The following MYO1A variants were observed in gnomAD, a reference collection of about 807,000 sequenced individuals.
The protein encoded by MYO1A is myosin IA, also known as unconventional myosin-Ia.
MYO1A carries 127 observed loss-of-function variants against 138.5 expected under a neutral mutation model. The ratio of observed to expected loss-of-function variants is 0.92; its 90% CI spans 0.79 to 1.06. The LOEUF (loss-of-function observed/expected upper bound fraction) is 1.06, where lower values mean the gene tolerates loss of function less well. MYO1A is among the 50% of genes least tolerant of loss of function. The pLI, the probability that MYO1A is intolerant of heterozygous loss-of-function variation, is 0.00. For synonymous variants in MYO1A, 477 were observed against 497.5 expected (o/e 0.96, Z 0.55); for missense variants, 1,211 against 1,288.8 (o/e 0.94, Z 0.92).
At chr12:57,043,522 G>A (rs2030957048) in intron 10 of MYO1A, among the ~76,000 whole-genome samples, 164 bp from the exon 11 acceptor site, 1 of 152,234 alleles carries the variant, frequency 6.6e-6, no homozygotes, top group South Asian at 2.1e-4. Flanking sequence ...ATCTCAGGGA[G>A]TTGGGGGACA....
chr12:57,039,167 C>A, intron 15 of MYO1A, 45 bp downstream of exon 15: 1 of 1,590,940 alleles, frequency 6.3e-7, no homozygotes. Context: ...GATGTTCAGG[C>A]AGTCTGGAAG....
Position 57,029,588 on chromosome 12 carries a change from C to A in MYO1A, c.2725-1G>T. 1 of 1,614,206 alleles carries A rather than the reference C, an allele frequency of 6.2e-7. No homozygotes were observed. The highest frequency in any genetic ancestry group is 8.5e-7 in the Non-Finnish European group (1 of 1,180,032). On this transcript the variant is annotated splice_acceptor_variant, in intron 25 of 27. Transcript: ENST00000300119. LOFTEE classifies it high-confidence loss of function. ...TCAGGAGGAGAATCCGAGAAGAAGTCTAGGGACGGAACAGGCAAGGGTGAG... is the reference window on the plus strand; with the variant it reads ...TCAGGAGGAGAATCCGAGAAGAAGTATAGGGACGGAACAGGCAAGGGTGAG...
chr12:57,037,122 G>A (rs1414225948), intron 19 of MYO1A, 31 bp from the exon 20 acceptor site: 3 of 1,613,234 alleles, frequency 1.9e-6, no homozygotes, highest in East Asian at 4.5e-5. Flanking sequence ...GTGACAGAGA[G>A]ACTGGCTCAG....
chr12:57,041,378 G>C (rs2030851055), intron 13 of MYO1A, 54 bp downstream of exon 13: 1 of 1,593,384 alleles, frequency 6.3e-7, no homozygotes, highest in Non-Finnish European at 8.6e-7. Flanking sequence ...CCCCCTGTGA[G>C]CCTGTCCACC....
intron 16 of MYO1A, 38 bp from the exon 17 acceptor site, chr12:57,038,676 C>G: frequency 6.2e-7 from 1 of 1,612,026 alleles, no homozygotes; most frequent in Non-Finnish European, 8.5e-7. Flanking sequence ...GACCCCACAA[C>G]CTTGTCCCAG....
At chr12:57,041,964 C>T (rs935845791) in intron 12 of MYO1A, among the ~76,000 whole-genome samples, 1 of 152,188 alleles carries the variant, frequency 6.6e-6, no homozygotes, top group Admixed American at 6.5e-5. Context: ...ATAGATGGCA[C>T]TTCCATGTGG....
chr12:57,050,488 C>T (rs2031298663), upstream of MYO1A, among the ~76,000 whole-genome samples: 1 of 152,162 alleles, frequency 6.6e-6, no homozygotes, highest in African/African-American at 2.4e-5. Context: ...GAGTTCGAGA[C>T]CAGCCTAGGC....
intron 1 of MYO1A, among the ~76,000 whole-genome samples, chr12:57,049,160 G>A (rs371753056): frequency 9.8e-5 from 15 of 152,342 alleles, no homozygotes; most frequent in African/African-American, 3.6e-4. Flanking sequence ...GCGGGAGTGG[G>A]CAAGGAGGAG....
In MYO1A at chr12:57,048,013, G is replaced by T. The variant is rs746150165; in HGVS notation, c.206C>A (p.Thr69Asn). 1 of 1,614,112 alleles carries T rather than the reference G, an allele frequency of 6.2e-7. No homozygotes were observed. Among genetic ancestry groups the T allele is most frequent in the East Asian group, 2.2e-5 (1 of 44,884 alleles). ...CATATGGGGCTTCAGCTCATAGAAA[G>T]TATAGTCTTGATATTTGGCAATGAA... Reference protein sequence around the residue: ...PEFIAKYQDYTFYELKPHIYA... With the variant: ...PEFIAKYQDYNFYELKPHIYA... Residue 69 changes from threonine (T) to asparagine (N), a missense_variant, in exon 3 of 28, where the codon ACT (threonine) becomes AAT (asparagine). Transcript: ENST00000300119.
intron 10 of MYO1A, 41 bp from the exon 11 acceptor site, chr12:57,043,399 T>C: frequency 6.3e-7 from 1 of 1,585,848 alleles, no homozygotes; most frequent in Admixed American, 1.7e-5. Flanking sequence ...TAGAGGCAGC[T>C]TTCTCTCAGG....
At chr12:57,046,473 G>A (rs2031092443) in intron 8 of MYO1A, 79 bp downstream of exon 8, 10 of 1,090,240 alleles carry the variant, frequency 9.2e-6, no homozygotes, top group East Asian at 2.4e-5. Flanking sequence ...AGAGGGAACA[G>A]GGGTTCTGGG....
rs1400992965 is a variant in MYO1A, at chr12:57,035,311, A to C, written c.2349+996T>G. Among the ~76,000 whole-genome samples the C allele has an allele frequency of 2.0e-5, 3 of 152,372 alleles. No homozygotes were observed. In the East Asian group the frequency reaches 5.8e-4, roughly 29 times the overall value. ...TCTGGCACCAGCACAAGAGGTGATC[A>C]GGCAACTGAAGAGACCTGGAAGATG... On this transcript the variant is annotated intron_variant, in intron 22 of 27. Coordinates refer to ENST00000300119, the MANE Select transcript of MYO1A (RefSeq NM_005379.4).
At position 57,046,657 on chromosome 12, in the gene MYO1A, G is replaced by A. The variant is rs575908550; in HGVS notation, c.542-7C>T. ...CGGGATTTCTCAAGCAGATCTGGCA[G>A]AGAATTAGAAAAATAATATCCTGAG... On this transcript the variant is annotated splice_polypyrimidine_tract_variant and splice_region_variant and intron_variant, in intron 7 of 27. Transcript: ENST00000300119. 2 of 1,612,650 alleles carry A rather than the reference G, an allele frequency of 1.2e-6. No homozygotes were observed. Among genetic ancestry groups the A allele is most frequent in the Admixed American group, 3.3e-5 (2 of 60,028 alleles).
chr12:57,043,244 A>C lies in MYO1A; in HGVS notation c.1007T>G (p.Met336Arg), dbSNP rs1269235126. ...KEKVVTALNVMQAQYARDALA... is the reference protein window; with the variant it reads ...KEKVVTALNVRQAQYARDALA... ...CCACTCCAGTGAGCTCCTTACCTGC[A>C]TAACATTCAGTGCAGTGACCACCTT... Residue 336 changes from methionine to arginine, a missense_variant, in exon 11 of 28, where the codon ATG becomes AGG. Transcript: ENST00000300119. The C allele has an allele frequency of 6.2e-7, 1 of 1,614,160 alleles. No individual in the cohort carries two copies. The highest frequency in any genetic ancestry group is 8.5e-7 in the Non-Finnish European group (1 of 1,179,970).
chr12:57,029,955 G>C (rs572930353), intron 24 of MYO1A, 83 bp from the exon 25 acceptor site: 2 of 1,602,628 alleles, frequency 1.2e-6, no homozygotes, highest in South Asian at 1.1e-5. Context: ...TAGTCCTCCC[G>C]GGCCCTTCCC....
rs772493735 is a variant in MYO1A at position 57,030,226 on chromosome 12, C to G, written c.2575G>C (p.Ala859Pro). The G allele has an allele frequency of 8.1e-6, 13 of 1,614,122 alleles. No homozygotes were observed. Among genetic ancestry groups the G allele is most frequent in the South Asian group, 2.2e-5 (2 of 91,084 alleles). Residue 859 changes from alanine (A) to proline (P), a missense_variant, in exon 24 of 28, where the codon GCT becomes CCT. By Grantham distance (27) the Ala-to-Pro change is conservative (BLOSUM62 -1). Transcript: ENST00000300119. The part of the protein sequence containing the change: ...CASELFKGKK[A>P]SYPQSVPIPF... Reference sequence around the variant, plus strand: ...GGCCCTCACCTCTGGGGATATGAAGCCTTCTTGCCCTTGAACAGTTCACTG... The same window carrying G: ...GGCCCTCACCTCTGGGGATATGAAGGCTTCTTGCCCTTGAACAGTTCACTG...
At chr12:57,029,955 G>A (rs572930353) in intron 24 of MYO1A, 83 bp from the exon 25 acceptor site, 127 of 1,602,626 alleles carry the variant, frequency 7.9e-5, no homozygotes, top group South Asian at 2.9e-4. Context: ...TAGTCCTCCC[G>A]GGCCCTTCCC....
At position 57,028,826 on chromosome 12, in the gene MYO1A, C is replaced by T; in HGVS notation, c.3061G>A (p.Ala1021Thr). ...SVAVKVVQGP[A>T]GGDNSKLRYK... ...CGTAGCTTGCTGTTGTCACCACCTG[C>T]AGGGCCCTGGACGACCTTGACAGCC... The change falls in exon 28 of 28, where the codon GCA (alanine) becomes ACA (threonine). Residue 1021 changes from alanine (A) to threonine (T), a missense_variant. By Grantham distance (58) the Ala-to-Thr change is moderately conservative. Transcript: ENST00000300119. 6 of 1,614,076 alleles carry T rather than the reference C, an allele frequency of 3.7e-6. No homozygotes were observed. Among genetic ancestry groups the T allele is most frequent in the Non-Finnish European group, 5.1e-6 (6 of 1,179,994 alleles).
intron 24 of MYO1A, 76 bp downstream of exon 24, chr12:57,030,134 G>T (rs959759528): frequency 3.2e-5 from 44 of 1,369,336 alleles, no homozygotes; most frequent in Non-Finnish European, 4.4e-5. Flanking sequence ...ATCCTGCCAG[G>T]TGATTCTAAG....
Sources: allele counts gnomAD v4.1 joint callset (sites outside exome capture counted in the v4.1 genomes callset), GRCh38; gene constraint gnomAD v4.1.1; transcripts MANE v1.5; gene names NCBI Gene and HGNC (gene_info 2026-07-23, HGNC 2026-07-21).